The following FGGY variants were observed in gnomAD, a reference collection of about 807,000 sequenced individuals.
FGGY encodes FGGY carbohydrate kinase domain containing.
FGGY carries 72 observed loss-of-function variants against 71.3 expected under a neutral mutation model. That is an observed-to-expected ratio of 1.01 (90% CI 0.84 to 1.23). The LOEUF is 1.23. Ranked by LOEUF, FGGY falls within the 50% of genes most tolerant of loss-of-function variation. The pLI is 0.00. For synonymous variants in FGGY, 251 were observed against 250.3 expected (o/e 1.00, Z -0.02); for missense variants, 668 against 682.3 (o/e 0.98, Z 0.23).
chr1:59,544,314 G>A (rs2095489180), intron 7 of FGGY, among the ~76,000 whole-genome samples: 1 of 152,204 alleles, frequency 6.6e-6, no homozygotes, highest in African/African-American at 2.4e-5. Context: ...AGGGCAAGAA[G>A]GGCATGATTT....
At chr1:59,696,629 T>C (rs2097661969) in intron 14 of FGGY, among the ~76,000 whole-genome samples, 1 of 152,328 alleles carries the variant, frequency 6.6e-6, no homozygotes, top group East Asian at 1.9e-4. Flanking sequence ...GGCCTTTCAA[T>C]TGTTTTCTTT....
intron 6 of FGGY, among the ~76,000 whole-genome samples, chr1:59,511,694 G>A (rs1441739343): frequency 6.6e-6 from 1 of 152,164 alleles, no homozygotes; most frequent in African/African-American, 2.4e-5. Context: ...CAACTCCAAA[G>A]AACATCATTC....
chr1:59,587,608 G>T (rs1442285467), intron 8 of FGGY, among the ~76,000 whole-genome samples: 1 of 152,156 alleles, frequency 6.6e-6, no homozygotes, highest in Non-Finnish European at 1.5e-5. Context: ...ACTTCCAGAG[G>T]AACGATCAGA....
intron 8 of FGGY, among the ~76,000 whole-genome samples, chr1:59,579,548 A>G (rs4497239): frequency 0.15 from 22,899 of 152,148 alleles, 2,155 homozygotes; most frequent in South Asian, 0.3. Flanking sequence ...AATTCTATTC[A>G]TACACTTGCC....
intron 8 of FGGY, among the ~76,000 whole-genome samples, chr1:59,590,657 C>A (rs2096413460): frequency 6.6e-6 from 1 of 152,228 alleles, no homozygotes. Context: ...TAAATGTAAT[C>A]CAGCATATAA....
At chr1:59,359,420 T>G (rs188945616) in intron 4 of FGGY, among the ~76,000 whole-genome samples, 1 of 152,202 alleles carries the variant, frequency 6.6e-6, no homozygotes, top group African/African-American at 2.4e-5. Context: ...CCCACCACTA[T>G]GCAAACTCTG....
chr1:59,311,187 A>G (rs1404332708), intron 1 of FGGY, among the ~76,000 whole-genome samples: 1 of 152,192 alleles, frequency 6.6e-6, no homozygotes, highest in East Asian at 1.9e-4. Context: ...TGGAAAGCCA[A>G]GTCATTTCAG....
In FGGY at chr1:59,656,170, C is replaced by A. The variant is rs567709654; in HGVS notation, c.1222-4049C>A. ...GTGCTTACCCTTGCAACTCTCACAT[C>A]GGGCTTCCCTACACATTTGTCTGTC... is the stretch of plus-strand genomic sequence containing the variant. On this transcript the variant is annotated intron_variant, in intron 11 of 15. Transcript: ENST00000303721. 5.3e-5 allele frequency among the ~76,000 whole-genome samples: 8 copies of A among 152,242 alleles called. No individual in the cohort carries two copies. The South Asian group carries it at 1.7e-3, about 32-fold the overall frequency.
chr1:59,658,366 G>C (rs548624970), intron 11 of FGGY, among the ~76,000 whole-genome samples: 87 of 152,326 alleles, frequency 5.7e-4, no homozygotes, highest in African/African-American at 2.0e-3. Flanking sequence ...TTCAGCGCCA[G>C]AGTTCTTCTC....
At chr1:59,664,444 A>G (rs2097305801) in intron 12 of FGGY, among the ~76,000 whole-genome samples, 1 of 152,156 alleles carries the variant, frequency 6.6e-6, no homozygotes, top group African/African-American at 2.4e-5. Flanking sequence ...TCTCATTCGG[A>G]TCATTTCTTT....
At chr1:59,387,198 C>G (rs2060173074) in intron 5 of FGGY, among the ~76,000 whole-genome samples, 1 of 152,048 alleles carries the variant, frequency 6.6e-6, no homozygotes, top group African/African-American at 2.4e-5. Context: ...ATCTCAAATA[C>G]AAAACCATTA....
intron 7 of FGGY, among the ~76,000 whole-genome samples, chr1:59,548,805 A>G (rs1044366975): frequency 6.6e-6 from 1 of 152,200 alleles, no homozygotes; most frequent in African/African-American, 2.4e-5. Flanking sequence ...GAACATTTCC[A>G]TCATCACAGA....
At chr1:59,483,506 A>G (rs994343688) in intron 6 of FGGY, among the ~76,000 whole-genome samples, 1 of 152,196 alleles carries the variant, frequency 6.6e-6, no homozygotes. Context: ...TATGACTTCA[A>G]ACTTTTCCTA....
intron 5 of FGGY, among the ~76,000 whole-genome samples, chr1:59,438,104 G>A (rs1434376682): frequency 6.6e-6 from 1 of 152,212 alleles, no homozygotes; most frequent in African/African-American, 2.4e-5. Context: ...CAGTTGCTGT[G>A]CCAGGAGGTC....
intron 5 of FGGY, among the ~76,000 whole-genome samples, chr1:59,395,163 C>T (rs1179780404): frequency 6.6e-6 from 1 of 152,030 alleles, no homozygotes; most frequent in East Asian, 1.9e-4. Context: ...TTTCTTCTAA[C>T]AGCCTAGGAG....
chr1:59,442,212 G>A (rs767447730), intron 5 of FGGY, among the ~76,000 whole-genome samples: 31 of 152,238 alleles, frequency 2.0e-4, no homozygotes, highest in Non-Finnish European at 3.2e-4. Flanking sequence ...CTCTTCCCCT[G>A]ACAGACTGTT....
At chr1:59,655,421 C>G (rs2097209243) in intron 11 of FGGY, among the ~76,000 whole-genome samples, 1 of 151,998 alleles carries the variant, frequency 6.6e-6, no homozygotes, top group South Asian at 2.1e-4. Flanking sequence ...AATGCTCTCC[C>G]TCCCCTCCAC....
chr1:59,462,436 A>C (rs1034119632), intron 6 of FGGY, among the ~76,000 whole-genome samples: 22 of 152,164 alleles, frequency 1.4e-4, no homozygotes, highest in African/African-American at 2.2e-4. Context: ...AGCAATGGCA[A>C]CAAAAGCCAA....
At chr1:59,422,762 C>G (rs921004582) in intron 5 of FGGY, among the ~76,000 whole-genome samples, 2 of 151,070 alleles carry the variant, frequency 1.3e-5, no homozygotes, top group African/African-American at 4.9e-5. Flanking sequence ...TATATAAGCA[C>G]TAGGTAAATA....
Sources: allele counts gnomAD v4.1 joint callset (sites outside exome capture counted in the v4.1 genomes callset), GRCh38; gene constraint gnomAD v4.1.1; transcripts MANE v1.5; gene names NCBI Gene and HGNC (gene_info 2026-07-23, HGNC 2026-07-21).